Variants in GMPR observed in about 807,000 individuals in gnomAD.
GMPR encodes guanosine monophosphate reductase.
GMPR carries 31 observed loss-of-function variants against 38.4 expected under a neutral mutation model. The ratio of observed to expected loss-of-function variants is 0.81; its 90% CI spans 0.61 to 1.09. The LOEUF is 1.09. GMPR is among the 50% of genes least tolerant of loss of function. The pLI is 0.00. For missense variants in GMPR, 468 were observed against 453.7 expected (o/e 1.03, Z -0.29); for synonymous variants, 162 against 173.3 (o/e 0.93, Z 0.51).
At chr6:16,285,017 C>CAAAA (rs1230598044) in intron 6 of GMPR, among the ~76,000 whole-genome samples, 4 of 35,066 alleles carry the variant, frequency 1.1e-4, no homozygotes, top group Non-Finnish European at 2.3e-4. Flanking sequence ...GAGACTGTCT[C>CAAAA]AAAAAAAAAA....
chr6:16,273,847 G>C lies in GMPR; in HGVS notation c.466-568G>C, dbSNP rs577149547. Among the ~76,000 whole-genome samples, 4 of 119,992 alleles carry C rather than the reference G, an allele frequency of 3.3e-5. No individual in the cohort carries two copies. In the South Asian group the frequency reaches 1.1e-3, roughly 32 times the overall value. The allele number at this position is 119,992 out of a possible 152,430, so 78.7% of individuals were successfully genotyped here. A position where few individuals can be genotyped will look rare whatever the true frequency, so the allele number is the denominator to read the frequency against. ...TTTTTTTTTTTTGAGACAGAGTCTT[G>C]CTCTGTCGTCCAGGCTGGAGTACAG... On this transcript the variant is annotated intron_variant, in intron 4 of 8. Coordinates refer to ENST00000259727, the MANE Select transcript of GMPR (RefSeq NM_006877.4).
chr6:16,260,635 T>G (rs1045670795), intron 4 of GMPR, among the ~76,000 whole-genome samples: 2 of 151,964 alleles, frequency 1.3e-5, no homozygotes, highest in African/African-American at 4.8e-5. Flanking sequence ...GATAGATTTC[T>G]ACGATGGAAA....
At chr6:16,253,943 G>T (rs1758924069) in intron 3 of GMPR, among the ~76,000 whole-genome samples, 1 of 151,818 alleles carries the variant, frequency 6.6e-6, no homozygotes, top group Non-Finnish European at 1.5e-5. Flanking sequence ...GCGGGGTGGG[G>T]TTTGGCGGAC....
At chr6:16,293,733 G>T (rs1339603160) in intron 8 of GMPR, among the ~76,000 whole-genome samples, 5 of 152,200 alleles carry the variant, frequency 3.3e-5, no homozygotes, top group Admixed American at 3.3e-4. Context: ...AGGAGGCAGA[G>T]GTTGCAGTGA....
intron 1 of GMPR, among the ~76,000 whole-genome samples, chr6:16,243,075 G>A (rs1017845973): frequency 2.0e-5 from 3 of 151,996 alleles, no homozygotes; most frequent in Non-Finnish European, 1.5e-5. Flanking sequence ...TTGGGGGCGG[G>A]GGGGAGACAT....
At chr6:16,273,400 A>C (rs1759419535) in intron 4 of GMPR, among the ~76,000 whole-genome samples, 1 of 152,238 alleles carries the variant, frequency 6.6e-6, no homozygotes, top group Admixed American at 6.5e-5. Flanking sequence ...TCCACAGGGC[A>C]GTGAGTTGTA....
intron 4 of GMPR, among the ~76,000 whole-genome samples, chr6:16,270,978 G>C (rs1451549281): frequency 6.6e-6 from 1 of 152,148 alleles, no homozygotes; most frequent in Non-Finnish European, 1.5e-5. Context: ...CTTGAGGCCA[G>C]GAGTTAGAGA....
chr6:16,266,469 TC>T (rs908294858), intron 4 of GMPR, among the ~76,000 whole-genome samples: 1 of 75,244 alleles, frequency 1.3e-5, no homozygotes. Flanking sequence ...CTGTAACACT[TC>T]CTGTGGAAAA....
At chr6:16,272,107 G>A (rs1759398922) in intron 4 of GMPR, among the ~76,000 whole-genome samples, 1 of 152,178 alleles carries the variant, frequency 6.6e-6, no homozygotes, top group South Asian at 2.1e-4. Context: ...AGCTACTAGG[G>A]AGGCTGAGGC....
Position 16,261,098 on chromosome 6 carries a change from G to A in GMPR, c.465+6363G>A, listed in dbSNP as rs1405573774. Among the ~76,000 whole-genome samples the A allele has an allele frequency of 5.9e-5, 9 of 151,942 alleles. No homozygotes were observed. The Admixed American group carries it at 6.0e-4, about 10-fold the overall frequency. On this transcript the variant is annotated intron_variant, in intron 4 of 8. Coordinates refer to ENST00000259727, the MANE Select transcript of GMPR (RefSeq NM_006877.4). ...CCGCTGCACGGAGACATGATGGCTA[G>A]GCTAAAACAGTAAGGTCAAGTTGTT...
At chr6:16,265,672 G>A (rs1759184029) in intron 4 of GMPR, among the ~76,000 whole-genome samples, 1 of 145,474 alleles carries the variant, frequency 6.9e-6, no homozygotes, top group African/African-American at 2.4e-5. Flanking sequence ...GCTGTGTCTA[G>A]CTAAACGCAC....
At chr6:16,254,891 C>T (rs577040127) in intron 4 of GMPR, among the ~76,000 whole-genome samples, 156 bp downstream of exon 4, 1 of 152,126 alleles carries the variant, frequency 6.6e-6, no homozygotes, top group South Asian at 2.1e-4. Flanking sequence ...GATAGGTAGC[C>T]GCTGCGGAAG....
Position 16,254,609 on chromosome 6 carries a change from GA to G in GMPR, c.340del (p.Thr114ProfsTer29), listed in dbSNP as rs1422043814. The G allele has an allele frequency of 6.2e-7, 1 of 1,613,988 alleles. No homozygotes were observed. The highest frequency in any genetic ancestry group is 1.7e-5 in the Admixed American group (1 of 60,026). On this transcript the variant is annotated frameshift_variant, in exon 4 of 9. Transcript: ENST00000259727. LOFTEE classifies it high-confidence loss of function. Reference protein sequence around the residue: ...GSGQNDLEKMTSILEAVPQVK... With the variant: ...GSGQNDLEKMXSILEAVPQVK... ...GTGGGCAGAATGATCTGGAAAAGAT[GA>G]CCAGCATCCTGGAAGCTGTGCCACA... is the stretch of plus-strand genomic sequence containing the variant.
intron 6 of GMPR, among the ~76,000 whole-genome samples, chr6:16,281,173 C>G (rs1759564541): frequency 6.6e-6 from 1 of 152,174 alleles, no homozygotes; most frequent in Non-Finnish European, 1.5e-5. Context: ...ATTCTTGGGC[C>G]CCACCATCGA....
intron 1 of GMPR, among the ~76,000 whole-genome samples, chr6:16,244,333 C>G (rs911835697): frequency 6.6e-6 from 1 of 151,888 alleles, no homozygotes; most frequent in Non-Finnish European, 1.5e-5. Context: ...CCACCTCAGC[C>G]TCCTGAGTAG....
At chr6:16,252,953 T>C (rs1189361509) in intron 3 of GMPR, among the ~76,000 whole-genome samples, 1 of 152,222 alleles carries the variant, frequency 6.6e-6, no homozygotes, top group East Asian at 1.9e-4. Context: ...TAAAGGATAT[T>C]AAGATAGGCC....
chr6:16,288,474 G>T (rs542589737), intron 7 of GMPR, among the ~76,000 whole-genome samples: 1 of 152,326 alleles, frequency 6.6e-6, no homozygotes, highest in Admixed American at 6.5e-5. Context: ...TTCTGGCTGG[G>T]CCTTAGCTGC....
intron 7 of GMPR, among the ~76,000 whole-genome samples, chr6:16,286,637 G>T (rs940509105): frequency 6.6e-6 from 1 of 152,004 alleles, no homozygotes; most frequent in African/African-American, 2.4e-5. Flanking sequence ...CAGGCTGGGT[G>T]CGGTGGCTCA....
chr6:16,293,952 C>T (rs886945255), intron 8 of GMPR, among the ~76,000 whole-genome samples: 10 of 152,144 alleles, frequency 6.6e-5, no homozygotes, highest in African/African-American at 2.4e-4. Context: ...TGGTAATATA[C>T]ACATGTGTAA....
Sources: allele counts gnomAD v4.1 joint callset (sites outside exome capture counted in the v4.1 genomes callset), GRCh38; gene constraint gnomAD v4.1.1; transcripts MANE v1.5; gene names NCBI Gene and HGNC (gene_info 2026-07-23, HGNC 2026-07-21).